The following OXCT1 variants were observed in gnomAD, a reference collection of about 807,000 sequenced individuals.
OXCT1 encodes 3-oxoacid CoA-transferase 1, also known as succinyl-CoA:3-ketoacid coenzyme A transferase 1, mitochondrial.
OXCT1 carries 27 observed loss-of-function variants against 69.6 expected under a neutral mutation model. The ratio of observed to expected loss-of-function variants is 0.39; its 90% CI spans 0.29 to 0.54. The LOEUF (loss-of-function observed/expected upper bound fraction) is 0.54. OXCT1 is among the 20% of genes least tolerant of loss of function. OXCT1 has a pLI of 0.72. For missense variants in OXCT1, 437 were observed against 650.2 expected (o/e 0.67, Z 3.57); for synonymous variants, 202 against 217.8 (o/e 0.93, Z 0.64).
At chr5:41,800,996 G>A (rs185638734) in intron 11 of OXCT1, 26 bp downstream of exon 11, 5 of 1,598,724 alleles carry the variant, frequency 3.1e-6, no homozygotes, top group Admixed American at 1.7e-5. Flanking sequence ...ATAGCAAAGG[G>A]AAGGGCTAGA....
At chr5:41,854,322 G>A (rs1490173140) in intron 3 of OXCT1, among the ~76,000 whole-genome samples, 1 of 152,114 alleles carries the variant, frequency 6.6e-6, no homozygotes, top group Non-Finnish European at 1.5e-5. Flanking sequence ...TATACACAGT[G>A]TTGACTTTAT....
chr5:41,834,746 T>A (rs1393979721), intron 7 of OXCT1, among the ~76,000 whole-genome samples: 2 of 152,152 alleles, frequency 1.3e-5, no homozygotes, highest in African/African-American at 4.8e-5. Flanking sequence ...CACCCCATTT[T>A]CAGCACTGAC....
chr5:41,832,458 A>C (rs1265798568), intron 7 of OXCT1, among the ~76,000 whole-genome samples: 1 of 152,168 alleles, frequency 6.6e-6, no homozygotes, highest in Non-Finnish European at 1.5e-5. Flanking sequence ...GACCATCAAG[A>C]CAATACCTCC....
chr5:41,868,442 T>G (rs1750105034), intron 1 of OXCT1, among the ~76,000 whole-genome samples: 1 of 152,164 alleles, frequency 6.6e-6, no homozygotes, highest in Non-Finnish European at 1.5e-5. Context: ...AGGTGAGGAT[T>G]TAAAGTGCTA....
At chr5:41,734,276 T>C (rs1391272422) in intron 16 of OXCT1, among the ~76,000 whole-genome samples, 1 of 152,222 alleles carries the variant, frequency 6.6e-6, no homozygotes, top group Non-Finnish European at 1.5e-5. Context: ...TTCTAACACA[T>C]AATGTTTAAA....
chr5:41,816,254 G>A (rs796934847), intron 7 of OXCT1, among the ~76,000 whole-genome samples: 3 of 152,044 alleles, frequency 2.0e-5, no homozygotes, highest in African/African-American at 7.2e-5. Flanking sequence ...AAGATGCCAT[G>A]TTTGTTTTCC....
At position 41,731,452 on chromosome 5, in the gene OXCT1, C is replaced by T; in HGVS notation, c.*277G>A. The T allele has an allele frequency of 1.0e-6, 1 of 1,000,724 alleles. No homozygotes were observed. The highest frequency in any genetic ancestry group is 1.3e-6 in the Non-Finnish European group (1 of 761,844). The allele number at this position is 1,000,724 out of a possible 1,614,324, so 62.0% of individuals were successfully genotyped here. A position where few individuals can be genotyped will look rare whatever the true frequency, so the allele number is the denominator to read the frequency against. On this transcript the variant is annotated 3_prime_UTR_variant, in exon 17 of 17. Transcript: ENST00000196371. ...AGGTTCATATAATTTAGCATACATA[C>T]CATATTCAGTGAAAATGCATTCAAT... is the stretch of plus-strand genomic sequence containing the variant.
At chr5:41,737,198 A>C (rs1742927884) in intron 16 of OXCT1, among the ~76,000 whole-genome samples, 1 of 152,202 alleles carries the variant, frequency 6.6e-6, no homozygotes, top group South Asian at 2.1e-4. Context: ...GACAACATTG[A>C]CATACAAATT....
At chr5:41,786,710 A>AG (rs534586368) in intron 13 of OXCT1, among the ~76,000 whole-genome samples, 276 of 152,358 alleles carry the variant, frequency 1.8e-3, no homozygotes, top group African/African-American at 6.4e-3. Flanking sequence ...AGAGTACCAC[A>AG]GGAGATAAAA....
chr5:41,739,167 C>G (rs1039071939), intron 16 of OXCT1, among the ~76,000 whole-genome samples: 1 of 152,156 alleles, frequency 6.6e-6, no homozygotes, highest in Non-Finnish European at 1.5e-5. Flanking sequence ...GTGGTGTGTC[C>G]CCTTCCTGCT....
chr5:41,817,511 T>C (rs1747307721), intron 7 of OXCT1, among the ~76,000 whole-genome samples: 1 of 152,210 alleles, frequency 6.6e-6, no homozygotes, highest in South Asian at 2.1e-4. Context: ...ATTCTGGATA[T>C]TGAACACTCT....
chr5:41,860,345 A>G (rs1749676616), intron 3 of OXCT1, among the ~76,000 whole-genome samples: 1 of 152,178 alleles, frequency 6.6e-6, no homozygotes, highest in African/African-American at 2.4e-5. Context: ...AAAATTCAGC[A>G]CACAAAGAAA....
intron 13 of OXCT1, among the ~76,000 whole-genome samples, chr5:41,774,147 T>G (rs1745012334): frequency 6.6e-6 from 1 of 152,256 alleles, no homozygotes; most frequent in Non-Finnish European, 1.5e-5. Context: ...AATGCCATTT[T>G]CTAGGTCTGG....
intron 15 of OXCT1, among the ~76,000 whole-genome samples, chr5:41,746,580 C>T (rs1374906003): frequency 6.6e-6 from 1 of 152,030 alleles, no homozygotes; most frequent in Non-Finnish European, 1.5e-5. Flanking sequence ...GACGTAGATG[C>T]TCTTCTCTTT....
chr5:41,791,729 T>C (rs1478694975), intron 13 of OXCT1, among the ~76,000 whole-genome samples: 1 of 152,198 alleles, frequency 6.6e-6, no homozygotes, highest in African/African-American at 2.4e-5. Context: ...TAAAACCCTA[T>C]TGCTTTTGTT....
intron 3 of OXCT1, among the ~76,000 whole-genome samples, chr5:41,857,508 C>A (rs1016194590): frequency 1.3e-5 from 2 of 152,178 alleles, no homozygotes; most frequent in Non-Finnish European, 2.9e-5. Context: ...TGGGTTCAGC[C>A]ACTCTGACCG....
rs75168494 is a variant in OXCT1 at position 41,753,370 on chromosome 5, T to C, written c.1339-3763A>G. Among the ~76,000 whole-genome samples, 149 of 152,108 alleles carry C rather than the reference T, an allele frequency of 9.8e-4. 2 individuals carry two copies. Among genetic ancestry groups the C allele is most frequent in the African/African-American group, 3.3e-3 (138 of 41,522 alleles). ...GTGCACGTATTTTTTCTCTCAGTAC[T>C]TTCTTTGGCAAAGCCCTAATGATCA... On this transcript the variant is annotated intron_variant, in intron 14 of 16. Transcript: ENST00000196371.
chr5:41,764,863 G>C (rs936840442), intron 13 of OXCT1, among the ~76,000 whole-genome samples: 3 of 152,164 alleles, frequency 2.0e-5, no homozygotes, highest in African/African-American at 7.2e-5. Context: ...CCATTAGGTG[G>C]TAAGAGCAAT....
At chr5:41,869,457 A>G (rs1297118335) in intron 1 of OXCT1, among the ~76,000 whole-genome samples, 2 of 152,208 alleles carry the variant, frequency 1.3e-5, no homozygotes, top group Admixed American at 6.5e-5. Flanking sequence ...AGGACAGTGC[A>G]TAAGGCAAAA....
Sources: allele counts gnomAD v4.1 joint callset (sites outside exome capture counted in the v4.1 genomes callset), GRCh38; gene constraint gnomAD v4.1.1; transcripts MANE v1.5; gene names NCBI Gene and HGNC (gene_info 2026-07-23, HGNC 2026-07-21).